Variants in RPH3AL observed in about 807,000 individuals in gnomAD.
RPH3AL encodes the protein rab effector Noc2.
In RPH3AL, 38 loss-of-function variants were observed where a neutral mutation model predicts 43.1. The ratio of observed to expected loss-of-function variants is 0.88; its 90% CI spans 0.68 to 1.15. The LOEUF is 1.15. Among genes scored for constraint, RPH3AL ranks in the 50% most tolerant of loss-of-function variants. RPH3AL has a pLI of 0.00. For missense variants in RPH3AL, 462 were observed against 423.2 expected (o/e 1.09, Z -0.81); for synonymous variants, 189 against 176.3 (o/e 1.07, Z -0.57).
rs1473950599 is a variant in RPH3AL at position 310,664 on chromosome 17, C to T, written c.351+8756G>A. ...AGCCCTTCCAGCCCCCCAGGGCTGC[C>T]GCCTTAACCCCATTCCCAGCTGTAA... On this transcript the variant is annotated intron_variant, in intron 5 of 9. Transcript: ENST00000331302. 6.6e-5 allele frequency among the ~76,000 whole-genome samples: 10 copies of T among 152,298 alleles called. No homozygotes were observed. In the South Asian group the frequency reaches 8.3e-4, roughly 13 times the overall value.
At chr17:351,561 G>C (rs73971752) in intron 1 of RPH3AL, among the ~76,000 whole-genome samples, 1 of 151,838 alleles carries the variant, frequency 6.6e-6, no homozygotes, top group Non-Finnish European at 1.5e-5. Flanking sequence ...CCTGCACCCC[G>C]CCTGTCTCTT....
intron 6 of RPH3AL, among the ~76,000 whole-genome samples, chr17:248,660 A>G (rs1555541128): frequency 6.6e-6 from 1 of 152,096 alleles, no homozygotes. Flanking sequence ...TGTTCCTCTA[A>G]TATCCCCAGC....
chr17:337,662 G>A (rs566915185), intron 1 of RPH3AL, among the ~76,000 whole-genome samples: 13 of 152,294 alleles, frequency 8.5e-5, no homozygotes, highest in East Asian at 1.9e-4. Context: ...GACCAACAGC[G>A]GCACCTCTCA....
intron 6 of RPH3AL, among the ~76,000 whole-genome samples, chr17:253,774 GCCGCACGGCGTCTGTCCTTTTCC>G (rs2041988541): frequency 8.9e-6 from 1 of 112,628 alleles, no homozygotes; most frequent in Admixed American, 9.2e-5. Flanking sequence ...TATGAGGGGA[GCCGCACGGCGTCTGTCCTTTTCC>G]ATCCCTAGGA....
chr17:216,881 T>C (rs2040816024), intron 8 of RPH3AL, among the ~76,000 whole-genome samples: 1 of 152,122 alleles, frequency 6.6e-6, no homozygotes. Flanking sequence ...GGGGTGGTGG[T>C]ACGTGTGTCA....
intron 6 of RPH3AL, among the ~76,000 whole-genome samples, chr17:263,203 C>CCA (rs1223655388): frequency 1.3e-5 from 2 of 152,268 alleles, no homozygotes; most frequent in African/African-American, 2.4e-5. Context: ...GCCTCCATAT[C>CCA]CACAGCTCAC....
chr17:282,325 C>T (rs1234458875), intron 5 of RPH3AL, among the ~76,000 whole-genome samples: 3 of 152,218 alleles, frequency 2.0e-5, no homozygotes, highest in East Asian at 1.9e-4. Flanking sequence ...AAGACACAAT[C>T]GTGAGAAATG....
At chr17:284,781 T>C (rs1036370947) in intron 5 of RPH3AL, among the ~76,000 whole-genome samples, 1 of 152,162 alleles carries the variant, frequency 6.6e-6, no homozygotes, top group Non-Finnish European at 1.5e-5. Flanking sequence ...TACCATAGAC[T>C]GAGTGGCTGA....
rs564611135 is a variant in RPH3AL, at chr17:332,945, C to T, written c.-37+814G>A. 118 of 1,143,196 alleles carry T rather than the reference C, an allele frequency of 1.0e-4. No homozygotes were observed. In the African/African-American group the frequency reaches 1.3e-3, roughly 13 times the overall value. The allele number at this position is 1,143,196 out of a possible 1,614,324, so 70.8% of individuals were successfully genotyped here. On this transcript the variant is annotated intron_variant, in intron 2 of 9. Transcript: ENST00000331302. ...AGGAGGACCCGAGGGGTACAGGGAA[C>T]GGAACAGGAGTTGCCGGTGATAATT...
chr17:294,833 T>C (rs12937008), intron 5 of RPH3AL, among the ~76,000 whole-genome samples: 7 of 37,414 alleles, frequency 1.9e-4, no homozygotes, highest in South Asian at 1.4e-3. Context: ...CAGAAATGGA[T>C]GGACAGAGGG....
chr17:232,283 C>A (rs138793465), intron 7 of RPH3AL, among the ~76,000 whole-genome samples: 1 of 152,196 alleles, frequency 6.6e-6, no homozygotes, highest in African/African-American at 2.4e-5. Context: ...ACAACAGTAG[C>A]GGCCCCGTCA....
At chr17:232,829 C>CGTGTGTGTGTGTGTGTGTGT (rs71143481) in intron 7 of RPH3AL, among the ~76,000 whole-genome samples, 2 of 119,418 alleles carry the variant, frequency 1.7e-5, no homozygotes, top group Non-Finnish European at 3.5e-5. Flanking sequence ...TCCTTTCCGG[C>CGTGTGTGTGTGTGTGTGTGT]GTGTGTGTGT....
chr17:219,691 C>T lies in RPH3AL; in HGVS notation c.659G>A (p.Ser220Asn), dbSNP rs200467852. The change falls in exon 8 of 10, where the codon AGC becomes AAC. Residue 220 changes from serine (S) to asparagine (N), a missense_variant. Coordinates refer to ENST00000331302, the MANE Select transcript of RPH3AL (RefSeq NM_006987.4). ...SDSDSDLSSS[S>N]LEDRLPSTGV... ...AGTGGATGGGAGTCTGTCCTCTAGGCTGGAGGAGCTAAGATCCGAGTCACT... is the reference window on the plus strand; with the variant it reads ...AGTGGATGGGAGTCTGTCCTCTAGGTTGGAGGAGCTAAGATCCGAGTCACT... 17 of 1,613,574 alleles carry T rather than the reference C, an allele frequency of 1.1e-5. No homozygotes were observed. The Admixed American group carries it at 1.3e-4, about 13-fold the overall frequency.
intron 5 of RPH3AL, among the ~76,000 whole-genome samples, chr17:315,097 C>A (rs369926234): frequency 1.2e-4 from 15 of 127,600 alleles, no homozygotes; most frequent in East Asian, 2.4e-4. Context: ...AATTGTAGTC[C>A]CTGTGACCCC....
rs1020253260 is a variant in RPH3AL at position 323,052 on chromosome 17, G to C, written c.78-1637C>G. On this transcript the variant is annotated intron_variant, in intron 3 of 9. Transcript: ENST00000331302. The surrounding 1 kb of genome is among the most constrained non-coding windows in gnomAD (Gnocchi z 4.4). ...GCAAATTCCCAATTGCCTGCAAATG[G>C]TCGTTAATAGTGATAACTGTAATTA... is the stretch of plus-strand genomic sequence containing the variant. 1.3e-5 allele frequency among the ~76,000 whole-genome samples: 2 copies of C among 152,120 alleles called. No homozygotes were observed. Among genetic ancestry groups the C allele is most frequent in the Non-Finnish European group, 2.9e-5 (2 of 68,024 alleles).
intron 6 of RPH3AL, among the ~76,000 whole-genome samples, chr17:270,204 G>A (rs1303910309): frequency 6.6e-6 from 1 of 152,194 alleles, no homozygotes; most frequent in African/African-American, 2.4e-5. Context: ...ACCCACTCCC[G>A]AATGCACTCA....
intron 5 of RPH3AL, among the ~76,000 whole-genome samples, chr17:294,579 A>C (rs2043126336): frequency 1.4e-5 from 2 of 146,574 alleles, no homozygotes; most frequent in Admixed American, 1.4e-4. Flanking sequence ...GAGCTGCAGA[A>C]ATGGATGGAC....
chr17:314,108 G>T (rs1490325185), intron 5 of RPH3AL, among the ~76,000 whole-genome samples: 3 of 152,170 alleles, frequency 2.0e-5, no homozygotes, highest in African/African-American at 7.2e-5. Context: ...CTAAGACATG[G>T]CTCCAAGGAG....
At chr17:219,851 A>C in intron 7 of RPH3AL, 115 bp from the exon 8 acceptor site, 2 of 733,792 alleles carry the variant, frequency 2.7e-6, no homozygotes, top group Non-Finnish European at 2.4e-6. Flanking sequence ...GTAGCAGCTC[A>C]GCTGGCCCTT....
Sources: gnomAD v4.1 joint callset for allele counts (sites outside exome capture counted in the v4.1 genomes callset) on GRCh38, gnomAD v4.1.1 for gene constraint, Gnocchi (gnomAD v3.1) non-coding constraint, MANE v1.5 for transcripts, NCBI Gene and HGNC (gene_info 2026-07-23, HGNC 2026-07-21) for gene names.